PRIM2: variants seen among roughly 807,000 people sequenced by gnomAD.
PRIM2 encodes DNA primase large subunit.
A neutral mutation model predicts 67.3 loss-of-function variants in PRIM2; 39 were observed. The observed-to-expected ratio is 0.58, with a 90% CI of 0.45 to 0.76. The LOEUF (loss-of-function observed/expected upper bound fraction) is 0.76. Ranked by LOEUF, PRIM2 falls within the 30% of genes least tolerant of loss-of-function variation. PRIM2 has a pLI of 0.00. For missense variants in PRIM2, 398 were observed against 598.7 expected (o/e 0.66, Z 3.50); for synonymous variants, 143 against 198.7 (o/e 0.72, Z 2.36).
At chr6:57,324,348 T>A in intron 4 of PRIM2, 68 bp downstream of exon 4, 1 of 981,752 alleles carries the variant, frequency 1.0e-6, no homozygotes, top group Non-Finnish European at 1.6e-6. Flanking sequence ...GTGTGGTAAG[T>A]TGATGTGTTG....
the PRIM2 span, among the ~76,000 whole-genome samples, chr6:57,299,274 A>G: frequency 6.6e-6 from 1 of 152,124 alleles, no homozygotes; most frequent in Non-Finnish European, 1.5e-5. Context: ...AACTGATAGA[A>G]TTTTCAACTT....
chr6:57,238,237 C>T, the PRIM2 span, among the ~76,000 whole-genome samples: 76 of 152,192 alleles, frequency 5.0e-4, no homozygotes, highest in Non-Finnish European at 9.3e-4. Flanking sequence ...CAGAACTCTC[C>T]ACCCCAAATC....
intron 8 of PRIM2, among the ~76,000 whole-genome samples, chr6:57,530,646 A>G (rs1774868092): frequency 2.0e-5 from 3 of 151,872 alleles, no homozygotes; most frequent in African/African-American, 7.3e-5. Flanking sequence ...CTGCTCTCAG[A>G]GTAATTCTCA....
At chr6:57,526,974 C>T (rs1554349460) in intron 8 of PRIM2, among the ~76,000 whole-genome samples, 7 of 152,112 alleles carry the variant, frequency 4.6e-5, no homozygotes, top group South Asian at 2.1e-4. Flanking sequence ...AGAAAGCTGG[C>T]GCTGAGCTCT....
At chr6:57,433,418 T>G (rs1340448643) in intron 7 of PRIM2, among the ~76,000 whole-genome samples, 1 of 118,008 alleles carries the variant, frequency 8.5e-6, no homozygotes, top group Non-Finnish European at 1.6e-5. Context: ...GTCCCCAGAG[T>G]GTGATGTTCC....
chr6:57,538,323 C>T (rs1348427167), intron 10 of PRIM2, among the ~76,000 whole-genome samples: 5 of 152,126 alleles, frequency 3.3e-5, no homozygotes, highest in Admixed American at 1.3e-4. Context: ...AGTCATCATA[C>T]CTAGCCTATA....
chr6:57,601,325 T>G lies in PRIM2; in HGVS notation c.1147+106T>G, dbSNP rs1233657674. On this transcript the variant is annotated intron_variant, in intron 11 of 13. Coordinates refer to ENST00000615550, the MANE Select transcript of PRIM2 (RefSeq NM_000947.5). ...TTTTGCATTCCTGTCAGGACCTAGT[T>G]TGTATCTTATCTCAGTCGTCACTGT... 7 of 1,240,872 alleles carry G rather than the reference T, an allele frequency of 5.6e-6. No homozygotes were observed. The African/African-American group carries it at 9.2e-5, about 16-fold the overall frequency. 76.9% of individuals were successfully genotyped at this position (1,240,872 alleles called of 1,614,324 possible).
At chr6:57,326,193 A>G (rs1581792211) in intron 5 of PRIM2, 148 bp downstream of exon 5, 11 of 773,736 alleles carry the variant, frequency 1.4e-5, no homozygotes, top group African/African-American at 1.9e-5. Flanking sequence ...GGATAACAAT[A>G]TATCTTTCCT....
At chr6:57,293,586 C>T in the PRIM2 span, among the ~76,000 whole-genome samples, 1 of 152,116 alleles carries the variant, frequency 6.6e-6, no homozygotes, top group East Asian at 1.9e-4. Context: ...GGAACTAACC[C>T]ACATGTCCAT....
At chr6:57,447,228 T>G (rs1182631503) in intron 7 of PRIM2, among the ~76,000 whole-genome samples, 1 of 152,236 alleles carries the variant, frequency 6.6e-6, no homozygotes, top group Non-Finnish European at 1.5e-5. Context: ...GACTGACATA[T>G]GATATTTTTA....
chr6:57,575,354 G>C (rs1197474192), intron 10 of PRIM2, among the ~76,000 whole-genome samples: 1 of 152,170 alleles, frequency 6.6e-6, no homozygotes, highest in Non-Finnish European at 1.5e-5. Context: ...AAGGGAGGCT[G>C]GTAGACTGCT....
intron 7 of PRIM2, among the ~76,000 whole-genome samples, chr6:57,398,509 GT>G (rs1161604361): frequency 6.6e-6 from 1 of 152,154 alleles, no homozygotes; most frequent in African/African-American, 2.4e-5. Context: ...TGGTCCGTGA[GT>G]GTGTTTGTTA....
chr6:57,285,209 G>A, the PRIM2 span, among the ~76,000 whole-genome samples: 1 of 152,120 alleles, frequency 6.6e-6, no homozygotes, highest in Non-Finnish European at 1.5e-5. Flanking sequence ...AAGACAGCTG[G>A]TACCATTCCT....
At chr6:57,291,865 T>G in the PRIM2 span, among the ~76,000 whole-genome samples, 157 of 152,180 alleles carry the variant, frequency 1.0e-3, no homozygotes, top group African/African-American at 3.6e-3. Context: ...TAAGAGCTAT[T>G]TATGACAAAA....
chr6:57,603,658 A>G (rs1175998381), intron 11 of PRIM2, among the ~76,000 whole-genome samples: 12 of 151,884 alleles, frequency 7.9e-5, no homozygotes, highest in Admixed American at 6.6e-4. Context: ...TGCTTTGGTC[A>G]TTTAGACTCT....
Position 57,606,533 on chromosome 6 carries a change from G to T in PRIM2, c.1230+76G>T, listed in dbSNP as rs1341300016. 22 of 1,167,770 alleles carry T rather than the reference G, an allele frequency of 1.9e-5. No homozygotes were observed. The Admixed American group carries it at 2.0e-4, about 10-fold the overall frequency. The allele number at this position is 1,167,770 out of a possible 1,614,324, so 72.3% of individuals were successfully genotyped here. ...TCTCTCGGTTTTATTTAATGTTCTT[G>T]CAGTGATGCTGTGTACTACTTGTCA... On this transcript the variant is annotated intron_variant, in intron 12 of 13. Transcript: ENST00000615550.
At chr6:57,281,732 C>T in the PRIM2 span, among the ~76,000 whole-genome samples, 1 of 152,096 alleles carries the variant, frequency 6.6e-6, no homozygotes, top group East Asian at 1.9e-4. Flanking sequence ...TTTCAGGACC[C>T]CACAGCTTAG....
At chr6:57,251,611 C>A in the PRIM2 span, among the ~76,000 whole-genome samples, 4 of 152,318 alleles carry the variant, frequency 2.6e-5, no homozygotes, top group African/African-American at 9.6e-5. Context: ...GTACATCAAA[C>A]ATGGGTGCAG....
chr6:57,619,472 G>A (rs1268584766), intron 12 of PRIM2, among the ~76,000 whole-genome samples: 3 of 152,150 alleles, frequency 2.0e-5, no homozygotes, highest in African/African-American at 4.8e-5. Context: ...GCTAATCAGG[G>A]AGAACCAGGG....
Sources: gnomAD v4.1 joint callset for allele counts (sites outside exome capture counted in the v4.1 genomes callset) on GRCh38, gnomAD v4.1.1 for gene constraint, MANE v1.5 for transcripts, NCBI Gene and HGNC (gene_info 2026-07-23, HGNC 2026-07-21) for gene names.